The following TENM3 variants were observed in gnomAD, a reference collection of about 807,000 sequenced individuals.
The protein encoded by TENM3 is teneurin-3.
Under a neutral mutation model 255.1 loss-of-function variants are expected in TENM3, and 63 were observed. That is an observed-to-expected ratio of 0.25 (90% CI 0.20 to 0.30). TENM3 has a LOEUF of 0.30. Among genes scored for constraint, TENM3 ranks in the 10% least tolerant of loss-of-function variants. TENM3 has a pLI of 1.00. For missense variants in TENM3, 2,929 were observed against 3,461.1 expected (o/e 0.85, Z 3.86); for synonymous variants, 1,306 against 1,322.3 (o/e 0.99, Z 0.27).
intron 3 of TENM3, among the ~76,000 whole-genome samples, chr4:182,390,858 A>T (rs561576723): frequency 6.6e-6 from 1 of 152,206 alleles, no homozygotes; most frequent in East Asian, 1.9e-4. Flanking sequence ...TGATATGATG[A>T]TTACTGTTAA....
the TENM3 span, among the ~76,000 whole-genome samples, chr4:181,960,973 A>C: frequency 1.3e-5 from 2 of 152,188 alleles, no homozygotes; most frequent in African/African-American, 4.8e-5. Flanking sequence ...GTAACCCTGC[A>C]CTAGGGAATA....
At chr4:182,207,504 C>T (rs761921372) in intron 1 of TENM3, among the ~76,000 whole-genome samples, 30 of 152,218 alleles carry the variant, frequency 2.0e-4, no homozygotes, top group African/African-American at 6.5e-4. Flanking sequence ...AGATATGTGG[C>T]GGGGCAGAGC....
chr4:181,853,475 A>G, the TENM3 span, among the ~76,000 whole-genome samples: 1 of 152,238 alleles, frequency 6.6e-6, no homozygotes, highest in Non-Finnish European at 1.5e-5. Flanking sequence ...TCATTTTATA[A>G]CGGCAATCTC....
the TENM3 span, among the ~76,000 whole-genome samples, chr4:182,037,411 G>T: frequency 6.6e-6 from 1 of 152,142 alleles, no homozygotes; most frequent in African/African-American, 2.4e-5. Context: ...GCCTCCCAAA[G>T]TGCTGGGATT....
intron 1 of TENM3, among the ~76,000 whole-genome samples, chr4:182,215,207 C>CA (rs1755373603): frequency 6.6e-6 from 1 of 152,148 alleles, no homozygotes; most frequent in Non-Finnish European, 1.5e-5. Flanking sequence ...CAAGGACAAG[C>CA]AGTTAGTCTG....
At chr4:181,990,141 T>C in the TENM3 span, among the ~76,000 whole-genome samples, 2 of 152,130 alleles carry the variant, frequency 1.3e-5, no homozygotes, top group South Asian at 4.1e-4. Context: ...GTATTTCCTC[T>C]ATAAAAGTAG....
intron 11 of TENM3, 31 bp downstream of exon 11, chr4:182,682,045 T>C: frequency 6.4e-7 from 1 of 1,562,160 alleles, no homozygotes; most frequent in Non-Finnish European, 8.8e-7. Context: ...ACAATCGAGT[T>C]GCTTAATACT....
chr4:181,563,540 C>G, the TENM3 span, among the ~76,000 whole-genome samples: 6 of 152,252 alleles, frequency 3.9e-5, no homozygotes, highest in South Asian at 6.2e-4. Context: ...AGTAATTCAA[C>G]CTGAAAAACC....
the TENM3 span, among the ~76,000 whole-genome samples, chr4:181,492,906 A>G: frequency 1.3e-5 from 2 of 152,170 alleles, no homozygotes; most frequent in Non-Finnish European, 2.9e-5. Flanking sequence ...GTATGCCAAT[A>G]AATATATTGG....
the TENM3 span, among the ~76,000 whole-genome samples, chr4:181,676,542 T>C: frequency 6.6e-6 from 1 of 151,988 alleles, no homozygotes; most frequent in Non-Finnish European, 1.5e-5. Flanking sequence ...TCCTCTCTGG[T>C]AGTCCCCAGT....
intron 1 of TENM3, among the ~76,000 whole-genome samples, chr4:182,149,926 G>A (rs1008752759): frequency 1.3e-5 from 2 of 151,824 alleles, no homozygotes; most frequent in Admixed American, 1.3e-4. Context: ...AATACCTTGG[G>A]GAAGACATAG....
intron 1 of TENM3, among the ~76,000 whole-genome samples, chr4:182,175,314 A>ATATATATATATATAT (rs1554026205): frequency 8.5e-6 from 1 of 117,592 alleles, no homozygotes; most frequent in African/African-American, 3.3e-5. Context: ...AAAAAAAAAA[A>ATATATATATATATAT]ATATATATAT....
chr4:181,832,865 G>A, the TENM3 span, among the ~76,000 whole-genome samples: 1 of 152,122 alleles, frequency 6.6e-6, no homozygotes, highest in Admixed American at 6.5e-5. Flanking sequence ...AATGAACCCC[G>A]TGGATAACCA....
chr4:181,636,396 G>A, the TENM3 span, among the ~76,000 whole-genome samples: 3 of 152,194 alleles, frequency 2.0e-5, no homozygotes, highest in African/African-American at 4.8e-5. Context: ...CCACATTAGA[G>A]AGGGTAATAA....
At chr4:182,665,338 A>G (rs1435216699) in intron 6 of TENM3, among the ~76,000 whole-genome samples, 2 of 152,216 alleles carry the variant, frequency 1.3e-5, no homozygotes, top group African/African-American at 4.8e-5. Flanking sequence ...CCTACTGCTC[A>G]GAGAAAAAGA....
chr4:182,755,486 G>A, intron 22 of TENM3: 1 of 469,452 alleles, frequency 2.1e-6, no homozygotes, highest in South Asian at 3.1e-5. Flanking sequence ...AGGCCACAGT[G>A]AGCTATGATT....
At chr4:181,448,197 C>G in the TENM3 span, among the ~76,000 whole-genome samples, 4 of 112,274 alleles carry the variant, frequency 3.6e-5, no homozygotes, top group Non-Finnish European at 5.0e-5. Flanking sequence ...GACGGAGTCT[C>G]GCTCTGTCGC....
intron 3 of TENM3, among the ~76,000 whole-genome samples, chr4:182,593,573 T>C (rs1746885433): frequency 6.6e-6 from 1 of 152,128 alleles, no homozygotes; most frequent in Non-Finnish European, 1.5e-5. Context: ...GGGACGTGTG[T>C]AGCCAGGCCA....
intron 12 of TENM3, among the ~76,000 whole-genome samples, chr4:182,690,454 A>G (rs1445698696): frequency 6.6e-6 from 1 of 152,206 alleles, no homozygotes; most frequent in East Asian, 1.9e-4. Flanking sequence ...GAATGCCTAT[A>G]TACCAGAGGC....
Sources: gnomAD v4.1 joint callset for allele counts (sites outside exome capture counted in the v4.1 genomes callset) on GRCh38, gnomAD v4.1.1 for gene constraint, MANE v1.5 for transcripts, NCBI Gene and HGNC (gene_info 2026-07-23, HGNC 2026-07-21) for gene names.